Variants in RNF115 observed in about 807,000 individuals in gnomAD.
The protein encoded by RNF115 is ring finger protein 115.
RNF115 carries 31 observed loss-of-function variants against 39.2 expected under a neutral mutation model. That is an observed-to-expected ratio of 0.79 (90% confidence interval 0.59 to 1.07). The LOEUF (loss-of-function observed/expected upper bound fraction) is 1.07. Among genes scored for constraint, RNF115 ranks in the 50% least tolerant of loss-of-function variants. The pLI is 0.00. For missense variants in RNF115, 384 were observed against 381.7 expected (o/e 1.01, Z -0.05); for synonymous variants, 124 against 131.0 (o/e 0.95, Z 0.37).
chr1:145,795,016 C>CAAAA lies in RNF115; in HGVS notation c.103-6054_103-6051dup, dbSNP rs782249648. ...TGGGTGACAGAGCGAGACTCCATTT[C>CAAAA]AAAAAAAAAAAAAAAAAAAAAGATA... On this transcript the variant is annotated intron_variant, in intron 1 of 8. Coordinates refer to ENST00000582693, the MANE Select transcript of RNF115 (RefSeq NM_014455.4). Among the ~76,000 whole-genome samples, 255 of 78,272 alleles carry CAAAA rather than the reference C, an allele frequency of 3.3e-3. 2 individuals carry two copies. The highest frequency in any genetic ancestry group is 0.014 in the African/African-American group (241 of 17,578). The allele number at this position is 78,272 out of a possible 152,430, so 51.3% of individuals were successfully genotyped here.
intron 4 of RNF115, among the ~76,000 whole-genome samples, chr1:145,754,829 TAAA>T (rs1553712980): frequency 6.6e-6 from 1 of 152,214 alleles, no homozygotes; most frequent in African/African-American, 2.4e-5. Flanking sequence ...CGTGTTGTTT[TAAA>T]AATATGTCCA....
At chr1:145,749,834 C>T (rs1658012009) in intron 7 of RNF115, among the ~76,000 whole-genome samples, 2 of 152,138 alleles carry the variant, frequency 1.3e-5, no homozygotes, top group South Asian at 2.1e-4. Flanking sequence ...GATAGCCCAC[C>T]TTGTCTTTAA....
intron 4 of RNF115, among the ~76,000 whole-genome samples, chr1:145,760,293 C>T (rs936851441): frequency 2.4e-4 from 37 of 152,280 alleles, no homozygotes; most frequent in Admixed American, 1.3e-4. Context: ...TAGTGCTGCA[C>T]ACCTGTGGTC....
intron 1 of RNF115, among the ~76,000 whole-genome samples, chr1:145,813,111 G>C (rs1212177509): frequency 6.6e-6 from 1 of 150,954 alleles, no homozygotes; most frequent in African/African-American, 2.4e-5. Context: ...GATTGCTCAT[G>C]ATTCTTACAC....
intron 1 of RNF115, among the ~76,000 whole-genome samples, 177 bp downstream of exon 1, chr1:145,823,595 G>T (rs1401728813): frequency 6.6e-6 from 1 of 152,216 alleles, no homozygotes; most frequent in Non-Finnish European, 1.5e-5. Context: ...CAGGAGGTAC[G>T]GGGCCGAGGC....
At chr1:145,771,035 TCCTAATG>T (rs1308563644) in intron 4 of RNF115, among the ~76,000 whole-genome samples, 3 of 152,230 alleles carry the variant, frequency 2.0e-5, no homozygotes, top group Non-Finnish European at 4.4e-5. Flanking sequence ...AAATATTTAA[TCCTAATG>T]CCTAATATAT....
chr1:145,749,261 A>T (rs190063308), intron 7 of RNF115, among the ~76,000 whole-genome samples: 54 of 152,274 alleles, frequency 3.5e-4, no homozygotes, highest in African/African-American at 1.3e-3. Flanking sequence ...TCTCATGCCT[A>T]GTCTGCTGCA....
intron 4 of RNF115, among the ~76,000 whole-genome samples, chr1:145,765,627 G>A (rs1441723781): frequency 7.3e-6 from 1 of 136,270 alleles, no homozygotes; most frequent in East Asian, 2.4e-4. Context: ...GAGTTTTATA[G>A]TCACTGAAAC....
intron 1 of RNF115, among the ~76,000 whole-genome samples, chr1:145,790,797 T>C (rs1553718843): frequency 6.6e-6 from 1 of 152,162 alleles, no homozygotes; most frequent in Admixed American, 6.5e-5. Context: ...AAAGCTCCAC[T>C]ATATACATAT....
intron 3 of RNF115, among the ~76,000 whole-genome samples, chr1:145,777,597 T>G (rs1553716743): frequency 6.6e-6 from 1 of 152,018 alleles, no homozygotes; most frequent in Non-Finnish European, 1.5e-5. Context: ...CTGAGTAGAC[T>G]TAGATAAGCA....
chr1:145,767,919 A>G (rs587686474), intron 4 of RNF115, among the ~76,000 whole-genome samples: 299 of 151,236 alleles, frequency 2.0e-3, no homozygotes, highest in Middle Eastern at 6.8e-3. Context: ...CCGAGATGGC[A>G]GCAGCACAGT....
At chr1:145,752,317 A>C (rs1394418987) in intron 5 of RNF115, among the ~76,000 whole-genome samples, 1 of 152,152 alleles carries the variant, frequency 6.6e-6, no homozygotes, top group African/African-American at 2.4e-5. Flanking sequence ...CTTAAGGAGT[A>C]AAATATTCCT....
At chr1:145,781,725 C>G (rs1553717425) in intron 3 of RNF115, among the ~76,000 whole-genome samples, 1 of 152,158 alleles carries the variant, frequency 6.6e-6, no homozygotes, top group Non-Finnish European at 1.5e-5. Flanking sequence ...CCAGATTACA[C>G]AGCCAATAAG....
At chr1:145,755,139 G>A (rs1553713032) in intron 4 of RNF115, among the ~76,000 whole-genome samples, 3 of 151,930 alleles carry the variant, frequency 2.0e-5, no homozygotes, top group African/African-American at 7.3e-5. Flanking sequence ...CTACTCAGGA[G>A]GATAAGGCAG....
intron 4 of RNF115, 76 bp downstream of exon 4, chr1:145,771,635 C>G: frequency 8.4e-7 from 1 of 1,190,052 alleles, no homozygotes; most frequent in Non-Finnish European, 1.2e-6. Context: ...GTATGAGACC[C>G]TTATAAAGAT....
At chr1:145,807,319 T>C (rs911303063) in intron 1 of RNF115, among the ~76,000 whole-genome samples, 4 of 152,162 alleles carry the variant, frequency 2.6e-5, no homozygotes, top group African/African-American at 7.2e-5. Flanking sequence ...AGACCTATAT[T>C]ATACTGCTAA....
At chr1:145,801,822 C>G (rs1244252679) in intron 1 of RNF115, among the ~76,000 whole-genome samples, 2 of 152,072 alleles carry the variant, frequency 1.3e-5, no homozygotes, top group African/African-American at 2.4e-5. Context: ...GGGTCTCGCT[C>G]TGTTGCCCAG....
chr1:145,787,846 A>G lies in RNF115; in HGVS notation c.161+1062T>C, dbSNP rs587617427. Among the ~76,000 whole-genome samples, 9 of 152,192 alleles carry G rather than the reference A, an allele frequency of 5.9e-5. No homozygotes were observed. In the East Asian group the frequency reaches 1.4e-3, roughly 23 times the overall value. Reference sequence around the variant, plus strand: ...AGAGGTTGCAGTGAGCCGAGATCGAACCACTGCACTCCAATCTGGCAACAG... The same window carrying G: ...AGAGGTTGCAGTGAGCCGAGATCGAGCCACTGCACTCCAATCTGGCAACAG... On this transcript the variant is annotated intron_variant, in intron 2 of 8. Transcript: ENST00000582693.
Position 145,809,064 on chromosome 1 carries a change from G to T in RNF115, c.102+14708C>A, listed in dbSNP as rs782627388. Among the ~76,000 whole-genome samples, 7 of 152,168 alleles carry T rather than the reference G, an allele frequency of 4.6e-5. 1 individual carries two copies. In the South Asian group the frequency reaches 1.5e-3, roughly 32 times the overall value. ...AGCTCTCATATGCAGAAATAAAGCC[G>T]TATTCCACAAGAGGCTCCACTCTAC... is the stretch of plus-strand genomic sequence containing the variant. On this transcript the variant is annotated intron_variant, in intron 1 of 8. Transcript: ENST00000582693.
Sources: gnomAD v4.1 joint callset for allele counts (sites outside exome capture counted in the v4.1 genomes callset) on GRCh38, gnomAD v4.1.1 for gene constraint, MANE v1.5 for transcripts, NCBI Gene and HGNC (gene_info 2026-07-23, HGNC 2026-07-21) for gene names.